The following AGBL3 variants were observed in gnomAD, a reference collection of about 807,000 sequenced individuals.
The protein encoded by AGBL3 is AGBL carboxypeptidase 3, also known as cytosolic carboxypeptidase 3.
A neutral mutation model predicts 94.5 loss-of-function variants in AGBL3; 68 were observed. That is an observed-to-expected ratio of 0.72 (90% CI 0.59 to 0.88). The LOEUF is 0.88. Ranked by LOEUF, AGBL3 falls within the 40% of genes least tolerant of loss-of-function variation. The pLI is 0.00. For missense variants in AGBL3, 934 were observed against 1,103.8 expected (o/e 0.85, Z 2.18); for synonymous variants, 354 against 370.7 (o/e 0.95, Z 0.52).
At chr7:135,019,520 G>A (rs552854944) in intron 5 of AGBL3, among the ~76,000 whole-genome samples, 5 of 151,590 alleles carry the variant, frequency 3.3e-5, no homozygotes, top group African/African-American at 1.2e-4. Flanking sequence ...TGAATGGTTT[G>A]TGATATGGGT....
chr7:135,131,400 C>A (rs1828749292), intron 16 of AGBL3, among the ~76,000 whole-genome samples: 1 of 151,520 alleles, frequency 6.6e-6, no homozygotes, highest in Admixed American at 6.6e-5. Context: ...ATGTAACAAA[C>A]CTGCACGTTC....
At chr7:135,023,141 G>A (rs1814696708) in intron 5 of AGBL3, among the ~76,000 whole-genome samples, 1 of 152,082 alleles carries the variant, frequency 6.6e-6, no homozygotes, top group African/African-American at 2.4e-5. Flanking sequence ...CTTTCTTTGT[G>A]TTATGGTTTT....
chr7:135,024,834 T>A (rs1048264644), intron 5 of AGBL3, among the ~76,000 whole-genome samples: 1 of 148,400 alleles, frequency 6.7e-6, no homozygotes, highest in African/African-American at 2.4e-5. Flanking sequence ...CTACAAGAAT[T>A]ACATAATACA....
rs537416695 is a variant in AGBL3, at chr7:135,054,254, G to A, written c.1842-4915G>A. On this transcript the variant is annotated intron_variant, in intron 11 of 16. Transcript: ENST00000436302. Reference sequence around the variant, plus strand: ...AAAGATAAGTAAATTTACCTGGAAGGCCATTTTATAAGCACCTTGTAGCTG... The same window carrying A: ...AAAGATAAGTAAATTTACCTGGAAGACCATTTTATAAGCACCTTGTAGCTG... 1.2e-4 allele frequency among the ~76,000 whole-genome samples: 18 copies of A among 152,260 alleles called. 1 individual carries two copies. Among genetic ancestry groups the A allele is most frequent in the African/African-American group, 4.3e-4 (18 of 41,550 alleles).
At chr7:135,104,771 T>C (rs1231067954) in intron 15 of AGBL3, among the ~76,000 whole-genome samples, 2 of 149,642 alleles carry the variant, frequency 1.3e-5, no homozygotes, top group Non-Finnish European at 3.0e-5. Flanking sequence ...TTAATGGGGC[T>C]GTTTGGTTTT....
chr7:135,078,828 T>G (rs1429212818), intron 13 of AGBL3, among the ~76,000 whole-genome samples: 1 of 152,142 alleles, frequency 6.6e-6, no homozygotes, highest in African/African-American at 2.4e-5. Context: ...TACTCCTCTT[T>G]CACAAAAAGA....
intron 15 of AGBL3, among the ~76,000 whole-genome samples, chr7:135,087,784 T>C (rs1319934385): frequency 2.0e-5 from 3 of 152,062 alleles, no homozygotes; most frequent in African/African-American, 7.2e-5. Context: ...GGAAGGAATG[T>C]GTATTCTGCA....
chr7:135,080,868 G>GTATATATA (rs150587409), intron 14 of AGBL3, among the ~76,000 whole-genome samples: 47 of 146,324 alleles, frequency 3.2e-4, no homozygotes, highest in Non-Finnish European at 6.3e-4. Context: ...ATGTGTGTGT[G>GTATATATA]TATATATATA....
At chr7:135,024,380 A>T (rs1032028258) in intron 5 of AGBL3, among the ~76,000 whole-genome samples, 3 of 152,166 alleles carry the variant, frequency 2.0e-5, no homozygotes, top group African/African-American at 7.2e-5. Flanking sequence ...AATACCAAAA[A>T]CATTCTGCCC....
chr7:135,020,407 C>T (rs1403368555), intron 5 of AGBL3, among the ~76,000 whole-genome samples: 1 of 152,186 alleles, frequency 6.6e-6, no homozygotes, highest in Non-Finnish European at 1.5e-5. Context: ...AGTCAGGAAA[C>T]AAAGGGTGCT....
chr7:135,133,420 G>A (rs1198790364), intron 16 of AGBL3, among the ~76,000 whole-genome samples: 1 of 152,114 alleles, frequency 6.6e-6, no homozygotes, highest in African/African-American at 2.4e-5. Context: ...TGTATATATA[G>A]ACAAGATTAT....
intron 5 of AGBL3, among the ~76,000 whole-genome samples, chr7:135,021,416 C>T (rs1451119913): frequency 1.3e-5 from 2 of 151,768 alleles, no homozygotes; most frequent in African/African-American, 2.4e-5. Flanking sequence ...CTCAGCCTCC[C>T]GAGTAGCTGG....
At chr7:135,130,976 GT>G (rs1828675420) in intron 16 of AGBL3, among the ~76,000 whole-genome samples, 3 of 151,996 alleles carry the variant, frequency 2.0e-5, no homozygotes, top group African/African-American at 7.3e-5. Context: ...AGAACATATT[GT>G]TTTTTTCCTA....
At chr7:135,069,668 GA>G (rs1819691782) in intron 12 of AGBL3, among the ~76,000 whole-genome samples, 1 of 152,154 alleles carries the variant, frequency 6.6e-6, no homozygotes, top group Non-Finnish European at 1.5e-5. Context: ...GATGTTCTTT[GA>G]AACCAACGAG....
At chr7:135,013,786 C>T (rs1243696205) in intron 4 of AGBL3, among the ~76,000 whole-genome samples, 2 of 152,032 alleles carry the variant, frequency 1.3e-5, no homozygotes, top group Middle Eastern at 3.2e-3. Context: ...TTATACCATC[C>T]CTCGAATCCA....
chr7:135,054,335 G>A (rs1402984034), intron 11 of AGBL3, among the ~76,000 whole-genome samples: 2 of 152,198 alleles, frequency 1.3e-5, no homozygotes, highest in Non-Finnish European at 2.9e-5. Context: ...TGAGTGCAGA[G>A]GAGAAATTTT....
At chr7:135,016,634 G>C (rs945108045) in intron 4 of AGBL3, among the ~76,000 whole-genome samples, 3 of 152,036 alleles carry the variant, frequency 2.0e-5, no homozygotes, top group Non-Finnish European at 4.4e-5. Flanking sequence ...CCTTTTGGGA[G>C]ATAAACCTGA....
chr7:135,081,637 C>T, intron 14 of AGBL3, 82 bp from the exon 15 acceptor site: 1 of 928,766 alleles, frequency 1.1e-6, no homozygotes, highest in Non-Finnish European at 1.6e-6. Flanking sequence ...TAGCATTTTC[C>T]ACTTTGAAAA....
chr7:135,051,701 T>C (rs1421038970), intron 11 of AGBL3, among the ~76,000 whole-genome samples: 2 of 152,114 alleles, frequency 1.3e-5, no homozygotes, highest in African/African-American at 4.8e-5. Flanking sequence ...TAGAACTTAT[T>C]CTTCCTTATT....
Sources: allele counts gnomAD v4.1 joint callset (sites outside exome capture counted in the v4.1 genomes callset), GRCh38; gene constraint gnomAD v4.1.1; transcripts MANE v1.5; gene names NCBI Gene and HGNC (gene_info 2026-07-23, HGNC 2026-07-21).